The following STK3 variants were observed in gnomAD, a reference collection of about 807,000 sequenced individuals.
STK3 encodes serine/threonine-protein kinase 3.
A neutral mutation model predicts 58.0 loss-of-function variants in STK3; 41 were observed. The ratio of observed to expected loss-of-function variants is 0.71; its 90% CI spans 0.55 to 0.92. The LOEUF (loss-of-function observed/expected upper bound fraction) is 0.92, where lower values mean the gene tolerates loss of function less well. Ranked by LOEUF, STK3 falls within the 40% of genes least tolerant of loss-of-function variation. The probability of loss-of-function intolerance (pLI) is 0.00; values close to 1 mark genes in which losing one functional copy is unlikely to be tolerated. For synonymous variants in STK3, 170 were observed against 191.0 expected (o/e 0.89, Z 0.91); for missense variants, 479 against 602.7 (o/e 0.79, Z 2.15).
intron 7 of STK3, among the ~76,000 whole-genome samples, chr8:98,587,556 G>GA (rs1356666242): frequency 2.6e-5 from 4 of 152,182 alleles, no homozygotes; most frequent in South Asian, 2.1e-4. Context: ...GTGTGGTGCT[G>GA]AAAAAAATGT....
intron 3 of STK3, among the ~76,000 whole-genome samples, chr8:98,420,335 T>C (rs949960565): frequency 4.8e-4 from 73 of 152,182 alleles, no homozygotes; most frequent in Non-Finnish European, 5.4e-4. Flanking sequence ...GTCACCCTTT[T>C]TGTAATAATG....
intron 10 of STK3, among the ~76,000 whole-genome samples, chr8:98,475,972 T>C (rs1821280986): frequency 6.6e-6 from 1 of 152,158 alleles, no homozygotes; most frequent in Admixed American, 6.5e-5. Context: ...GATGTTCTAG[T>C]TCACTTTAAA....
chr8:98,423,858 C>T (rs1009501591), intron 3 of STK3, among the ~76,000 whole-genome samples: 5 of 152,160 alleles, frequency 3.3e-5, no homozygotes, highest in Middle Eastern at 3.2e-3. Context: ...AGATAACAGT[C>T]GGCCAGGTGC....
intron 8 of STK3, among the ~76,000 whole-genome samples, chr8:98,551,745 C>G (rs1811186781): frequency 6.6e-6 from 1 of 152,098 alleles, no homozygotes; most frequent in South Asian, 2.1e-4. Flanking sequence ...CCTTTACCCC[C>G]CGAATATGCA....
chr8:98,930,423 G>C (rs1428017018), intron 1 of STK3, among the ~76,000 whole-genome samples: 1 of 152,158 alleles, frequency 6.6e-6, no homozygotes, highest in African/African-American at 2.4e-5. Context: ...TGCAGAGTGT[G>C]TTACTGAATA....
At chr8:98,556,540 C>A (rs988672497) in intron 8 of STK3, among the ~76,000 whole-genome samples, 1 of 151,896 alleles carries the variant, frequency 6.6e-6, no homozygotes. Context: ...CAGAAATAAC[C>A]GAGAACAAAA....
At chr8:98,497,440 A>G (rs1344490444) in intron 10 of STK3, among the ~76,000 whole-genome samples, 1 of 152,160 alleles carries the variant, frequency 6.6e-6, no homozygotes, top group Non-Finnish European at 1.5e-5. Flanking sequence ...AAAAGAAAAA[A>G]GGAAACTGGA....
chr8:98,692,108 A>G (rs1464911349), intron 6 of STK3, among the ~76,000 whole-genome samples: 2 of 152,210 alleles, frequency 1.3e-5, no homozygotes. Context: ...CCATTAGCAA[A>G]GAAAAACAAC....
rs1178928185 is a variant in STK3 at position 98,387,872 on chromosome 8, C to CTTTTTTTTTTTTTTTTT, written n.56+319_56+320insAAAAAAAAAAAAAAAAA. Among the ~76,000 whole-genome samples the CTTTTTTTTTTTTTTTTT allele has an allele frequency of 4.8e-5, 7 of 144,680 alleles. 2 individuals are homozygous for CTTTTTTTTTTTTTTTTT. Among genetic ancestry groups the CTTTTTTTTTTTTTTTTT allele is most frequent in the Admixed American group, 2.1e-4 (3 of 14,552 alleles). 94.9% of individuals were successfully genotyped at this position (144,680 alleles called of 152,430 possible). On this transcript the variant is annotated intron_variant and non_coding_transcript_variant, in intron 1 of 2. Coordinates refer to the STK3 transcript ENST00000518704. ...GAAACCAGAGCTCTTTGTAAAATGC[C>CTTTTTTTTTTTTTTTTT]CTTTTTTTTTTTTTTTTGTCAGATA...
At chr8:98,794,905 T>C (rs971175880) in intron 1 of STK3, among the ~76,000 whole-genome samples, 5 of 150,514 alleles carry the variant, frequency 3.3e-5, no homozygotes, top group African/African-American at 1.2e-4. Context: ...CCGGCTCTAC[T>C]AAAAAACCCA....
chr8:98,389,700 T>C (rs1817828285), upstream of STK3, among the ~76,000 whole-genome samples: 1 of 151,000 alleles, frequency 6.6e-6, no homozygotes, highest in Non-Finnish European at 1.5e-5. Context: ...CCCTGCTTAG[T>C]TCCAATTCAA....
chr8:98,668,165 ATACT>A (rs1439705188), intron 6 of STK3, among the ~76,000 whole-genome samples: 1 of 152,180 alleles, frequency 6.6e-6, no homozygotes, highest in Non-Finnish European at 1.5e-5. Flanking sequence ...AATGGATTAA[ATACT>A]TACCCAGTGA....
chr8:98,928,738 T>TA (rs1839899968), intron 1 of STK3, among the ~76,000 whole-genome samples: 1 of 152,154 alleles, frequency 6.6e-6, no homozygotes, highest in Non-Finnish European at 1.5e-5. Context: ...CCTTTCCAAT[T>TA]AAAAAAATTA....
the STK3 span, among the ~76,000 whole-genome samples, chr8:98,356,358 T>C: frequency 6.6e-6 from 1 of 152,152 alleles, no homozygotes; most frequent in East Asian, 1.9e-4. Flanking sequence ...CAGAGTTTGG[T>C]TAGGGGAGTT....
chr8:98,597,479 C>T, intron 6 of STK3: 1 of 985,182 alleles, frequency 1.0e-6, no homozygotes, highest in Non-Finnish European at 1.2e-6. Context: ...AAACAATAAA[C>T]ATCTTTCAAT....
chr8:98,549,213 A>T (rs897743457), intron 8 of STK3, among the ~76,000 whole-genome samples: 5 of 151,908 alleles, frequency 3.3e-5, no homozygotes, highest in African/African-American at 9.7e-5. Context: ...ACCATTTTAC[A>T]CTCCCACCAG....
chr8:98,413,421 C>A, intron 3 of STK3: 1 of 566,506 alleles, frequency 1.8e-6, no homozygotes, highest in South Asian at 1.4e-5. Flanking sequence ...CTGCTGATCC[C>A]TCACTTTCCT....
intron 9 of STK3, among the ~76,000 whole-genome samples, chr8:98,529,854 T>G (rs1376330537): frequency 1.3e-5 from 2 of 152,144 alleles, no homozygotes; most frequent in African/African-American, 4.8e-5. Context: ...AGAATGGTGG[T>G]TGCTAGGGAC....
intron 1 of STK3, among the ~76,000 whole-genome samples, chr8:98,775,694 C>G (rs1831633261): frequency 6.6e-6 from 1 of 152,154 alleles, no homozygotes; most frequent in South Asian, 2.1e-4. Context: ...GAATGACCAC[C>G]ATATACAACC....
Sources: gnomAD v4.1 joint callset for allele counts (sites outside exome capture counted in the v4.1 genomes callset) on GRCh38, gnomAD v4.1.1 for gene constraint, MANE v1.5 for transcripts, NCBI Gene and HGNC (gene_info 2026-07-23, HGNC 2026-07-21) for gene names.